Variants in BOC observed in about 807,000 individuals in gnomAD.
BOC encodes BOC cell adhesion associated, oncogene regulated, also known as brother of CDO.
Under a neutral mutation model 112.0 loss-of-function variants are expected in BOC, and 76 were observed. That is an observed-to-expected ratio of 0.68 (90% confidence interval 0.56 to 0.82). BOC has a LOEUF of 0.82. BOC is among the 40% of genes least tolerant of loss of function. BOC has a pLI of 0.00. For synonymous variants in BOC, 580 were observed against 599.8 expected (o/e 0.97, Z 0.48); for missense variants, 1,309 against 1,511.7 (o/e 0.87, Z 2.22).
chr3:113,285,672 G>A, intron 19 of BOC, 107 bp downstream of exon 19: 1 of 1,135,228 alleles, frequency 8.8e-7, no homozygotes, highest in Non-Finnish European at 1.2e-6. Flanking sequence ...TTGGTAAGGA[G>A]CCAGCCACAG....
intron 4 of BOC, among the ~76,000 whole-genome samples, chr3:113,265,172 C>T (rs1947334684): frequency 6.6e-6 from 1 of 152,192 alleles, no homozygotes; most frequent in East Asian, 1.9e-4. Flanking sequence ...GTGCATGCTC[C>T]CTCCGTGCCT....
chr3:113,223,925 C>T (rs113995581), intron 2 of BOC, among the ~76,000 whole-genome samples: 111 of 152,376 alleles, frequency 7.3e-4, no homozygotes, highest in African/African-American at 2.5e-3. Flanking sequence ...GGCCCTGGCG[C>T]TACTGGAGTT....
At chr3:113,275,963 G>T (rs1378262237) in intron 9 of BOC, among the ~76,000 whole-genome samples, 2 of 152,222 alleles carry the variant, frequency 1.3e-5, no homozygotes, top group African/African-American at 2.4e-5. Context: ...GGGGGACGGG[G>T]CGAGCAGTTT....
intron 2 of BOC, among the ~76,000 whole-genome samples, chr3:113,241,086 A>G (rs1315718500): frequency 6.6e-6 from 1 of 152,196 alleles, no homozygotes; most frequent in African/African-American, 2.4e-5. Flanking sequence ...CCAGCACCAC[A>G]TCTGTGACTT....
At chr3:113,271,165 C>T (rs1186090360) in intron 6 of BOC, 2 of 704,146 alleles carry the variant, frequency 2.8e-6, no homozygotes, top group Non-Finnish European at 5.1e-6. Flanking sequence ...CAGGCGACTG[C>T]CTGCTGCCAC....
intron 2 of BOC, among the ~76,000 whole-genome samples, chr3:113,230,428 T>C (rs1227780765): frequency 6.6e-6 from 1 of 152,252 alleles, no homozygotes; most frequent in African/African-American, 2.4e-5. Flanking sequence ...GTTGTATAAC[T>C]GCTTTAAGCT....
intron 2 of BOC, among the ~76,000 whole-genome samples, chr3:113,249,225 T>C (rs571875905): frequency 6.6e-6 from 1 of 152,362 alleles, no homozygotes; most frequent in East Asian, 1.9e-4. Flanking sequence ...TAGCATTCCC[T>C]GCAAGGGCGT....
intron 16 of BOC, 124 bp downstream of exon 16, chr3:113,283,756 G>A (rs1949409749): frequency 1.1e-6 from 1 of 896,046 alleles, no homozygotes; most frequent in Non-Finnish European, 1.7e-6. Context: ...GGTCTCGGAG[G>A]TCAGAGAACA....
chr3:113,243,628 A>C (rs1312137673), intron 2 of BOC, among the ~76,000 whole-genome samples: 1 of 152,166 alleles, frequency 6.6e-6, no homozygotes, highest in Admixed American at 6.5e-5. Flanking sequence ...CCACTGTTAC[A>C]GATAAACCCA....
chr3:113,285,617 G>A, intron 19 of BOC, 52 bp downstream of exon 19: 1 of 1,462,040 alleles, frequency 6.8e-7, no homozygotes. Context: ...GGTGACATGA[G>A]GTAGGCATCC....
Position 113,272,440 on chromosome 3 carries a change from A to AC in BOC, c.704dup (p.Glu236ArgfsTer86), listed in dbSNP as rs780865191. On this transcript the variant is annotated frameshift_variant, in exon 7 of 20. Coordinates refer to ENST00000682979, the MANE Select transcript of BOC (RefSeq NM_001378074.1). LOFTEE classifies it high-confidence loss of function. ...ACCGCTGAGGCTGCCCGCATCATCT[A>AC]CCCCCCAGAGGCCCAAACCATCATC... The AC allele has an allele frequency of 1.2e-6, 2 of 1,613,332 alleles. No individual in the cohort carries two copies. The highest frequency in any genetic ancestry group is 1.7e-6 in the Non-Finnish European group (2 of 1,179,766).
chr3:113,237,325 C>A (rs1393836273), intron 2 of BOC, among the ~76,000 whole-genome samples: 5 of 152,164 alleles, frequency 3.3e-5, no homozygotes, highest in Non-Finnish European at 4.4e-5. Flanking sequence ...CCTTCTCATG[C>A]TCTTTTCTTG....
rs187001411 is a variant in BOC, at chr3:113,279,721, G to A, written c.2024-103G>A. ...GCCTTTGAGAACTTGCTTTGGGGAAGGGCTGCCCAGAAGACCCCTCCAGGT... is the reference window on the plus strand; with the variant it reads ...GCCTTTGAGAACTTGCTTTGGGGAAAGGCTGCCCAGAAGACCCCTCCAGGT... On this transcript the variant is annotated intron_variant, in intron 12 of 19. Coordinates refer to ENST00000682979, the MANE Select transcript of BOC (RefSeq NM_001378074.1). 1.0e-5 allele frequency: 13 copies of A among 1,285,428 alleles called. 1 individual carries two copies. The Admixed American group carries it at 2.3e-4, about 22-fold the overall frequency. The allele number at this position is 1,285,428 out of a possible 1,614,324, so 79.6% of individuals were successfully genotyped here.
At chr3:113,221,582 G>C (rs1423140111) in intron 2 of BOC, among the ~76,000 whole-genome samples, 1 of 152,178 alleles carries the variant, frequency 6.6e-6, no homozygotes. Context: ...AAATTGGCCA[G>C]TAATATTGGC....
chr3:113,232,580 TGTGTGTG>T lies in BOC; in HGVS notation c.-82+16307_-82+16313del, dbSNP rs756849251. On this transcript the variant is annotated intron_variant, in intron 2 of 19. Coordinates refer to ENST00000682979, the MANE Select transcript of BOC (RefSeq NM_001378074.1). ...CTGTGCGAGTGTGTGTGTGTGTGTG[TGTGTGTG>T]TGTGCACACGTGCACATGCCTGCCT... Among the ~76,000 whole-genome samples the T allele has an allele frequency of 1.7e-3, 252 of 151,270 alleles. 1 individual carries two copies. Among genetic ancestry groups the T allele is most frequent in the Non-Finnish European group, 3.3e-3 (223 of 67,602 alleles).
chr3:113,232,137 C>G (rs1274532900), intron 2 of BOC, among the ~76,000 whole-genome samples: 2 of 152,166 alleles, frequency 1.3e-5, no homozygotes, highest in East Asian at 3.9e-4. Context: ...TCATGCCTCT[C>G]CAATTCCCCA....
rs547676544 is a variant in BOC at position 113,273,589 on chromosome 3, T to C, written c.1234+248T>C. On this transcript the variant is annotated intron_variant, in intron 8 of 19. Transcript: ENST00000682979. ...TTTGACAACCACCACTCTAGTGCTTTGGTAAAGAAAAGCCAGTCTGTCCTT... is the reference window on the plus strand; with the variant it reads ...TTTGACAACCACCACTCTAGTGCTTCGGTAAAGAAAAGCCAGTCTGTCCTT... Among the ~76,000 whole-genome samples, 3 of 152,304 alleles carry C rather than the reference T, an allele frequency of 2.0e-5. No individual in the cohort carries two copies. The South Asian group carries it at 6.2e-4, about 32-fold the overall frequency.
At position 113,275,745 on chromosome 3, in the gene BOC, C is replaced by T. The variant is rs182283097; in HGVS notation, c.1542+1063C>T. Among the ~76,000 whole-genome samples, 11 of 152,334 alleles carry T rather than the reference C, an allele frequency of 7.2e-5. No individual in the cohort carries two copies. In the East Asian group the frequency reaches 1.9e-3, roughly 27 times the overall value. On this transcript the variant is annotated intron_variant, in intron 9 of 19. Coordinates refer to ENST00000682979, the MANE Select transcript of BOC (RefSeq NM_001378074.1). The stretch of plus-strand genomic sequence containing the variant: ...AAACAAGCAAGAAAACAGAACCAAC[C>T]CTGCACAGTGGAGAGCGCTAGCTGT...
At chr3:113,280,786 A>G in intron 14 of BOC, 123 bp downstream of exon 14, 1 of 900,856 alleles carries the variant, frequency 1.1e-6, no homozygotes, top group Non-Finnish European at 1.8e-6. Context: ...ACGAAGCTCT[A>G]AGCTCCGTGT....
Sources: allele counts gnomAD v4.1 joint callset (sites outside exome capture counted in the v4.1 genomes callset), GRCh38; gene constraint gnomAD v4.1.1; transcripts MANE v1.5; gene names NCBI Gene and HGNC (gene_info 2026-07-23, HGNC 2026-07-21).